The following SLC7A7 variants were observed in gnomAD, a reference collection of about 807,000 sequenced individuals.
SLC7A7 encodes the protein solute carrier family 7 member 7, also known as Y+L amino acid transporter 1.
Under a neutral mutation model 47.9 loss-of-function variants are expected in SLC7A7, and 39 were observed. That is an observed-to-expected ratio of 0.81 (90% CI 0.63 to 1.06). The LOEUF (loss-of-function observed/expected upper bound fraction) is 1.06. Among genes scored for constraint, SLC7A7 ranks in the 50% least tolerant of loss-of-function variants. The pLI, the probability that SLC7A7 is intolerant of heterozygous loss-of-function variation, is 0.00. For synonymous variants in SLC7A7, 234 were observed against 242.8 expected, an observed-to-expected ratio of 0.96 and a Z score of 0.34; for missense variants, 588 against 632.0, an observed-to-expected ratio of 0.93 and a Z score of 0.75.
intron 7 of SLC7A7, among the ~76,000 whole-genome samples, 163 bp from the exon 8 acceptor site, chr14:22,774,666 C>A (rs1406560637): frequency 6.6e-6 from 1 of 152,148 alleles, no homozygotes; most frequent in African/African-American, 2.4e-5. Flanking sequence ...TACCTTATCC[C>A]CTCTCTTATA....
At chr14:22,816,536 GA>G (rs2039410600), upstream of SLC7A7, 1 of 151,860 alleles carries the variant, frequency 6.6e-6, no homozygotes, top group Non-Finnish European at 1.5e-5. Context: ...AGAATATGAG[GA>G]AATCAGATTT....
intron 2 of SLC7A7, among the ~76,000 whole-genome samples, chr14:22,799,740 C>G (rs2139434556): frequency 6.6e-6 from 1 of 152,212 alleles, no homozygotes; most frequent in South Asian, 2.1e-4. Context: ...CAGGTGTGAG[C>G]CACCGCCCTG....
In SLC7A7 at chr14:22,815,353, C is replaced by T. The variant is rs2039390235; in HGVS notation, c.-76G>A. 4.4e-6 allele frequency: 2 copies of T among 454,420 alleles called. No individual in the cohort carries two copies. The highest frequency in any genetic ancestry group is 8.8e-6 in the Non-Finnish European group (2 of 226,784). The allele number at this position is 454,420 out of a possible 1,614,324, so 28.1% of individuals were successfully genotyped here. A position where few individuals can be genotyped will look rare whatever the true frequency, so the allele number is the denominator to read the frequency against. The stretch of plus-strand genomic sequence containing the variant: ...CCTGGATATAAGCAGGTTCTCACGG[C>T]AGTGTGAGCAGCAGTCAGGGAGAGA... On this transcript the variant is annotated 5_prime_UTR_variant, in exon 1 of 10. Transcript: ENST00000674313.
At chr14:22,802,048 A>C (rs940377306) in intron 2 of SLC7A7, among the ~76,000 whole-genome samples, 13 of 152,204 alleles carry the variant, frequency 8.5e-5, no homozygotes, top group African/African-American at 3.1e-4. Flanking sequence ...CTCACAGTAA[A>C]TGATATCACT....
upstream of SLC7A7, chr14:22,817,379 G>A (rs949161681): frequency 1.5e-4 from 25 of 169,304 alleles, 1 homozygote; most frequent in East Asian, 1.8e-4. Context: ...TTACTCTGTC[G>A]CCCAGGCTGG....
upstream of SLC7A7, among the ~76,000 whole-genome samples, chr14:22,816,803 C>T (rs370185867): frequency 1.3e-5 from 2 of 152,114 alleles, no homozygotes; most frequent in East Asian, 3.9e-4. Context: ...CTCTACCATA[C>T]ATCCTCCCAT....
At chr14:22,804,174 T>C (rs1409216151) in intron 2 of SLC7A7, among the ~76,000 whole-genome samples, 1 of 152,160 alleles carries the variant, frequency 6.6e-6, no homozygotes, top group Non-Finnish European at 1.5e-5. Context: ...ACTGGAGCCC[T>C]TCCTTATATC....
chr14:22,803,874 G>A (rs1594974927), intron 2 of SLC7A7, among the ~76,000 whole-genome samples: 2 of 152,148 alleles, frequency 1.3e-5, no homozygotes, highest in Admixed American at 6.5e-5. Context: ...CACACTGTGC[G>A]TTCCCTACAG....
At chr14:22,780,418 A>C in intron 2 of SLC7A7, 2 of 274,664 alleles carry the variant, frequency 7.3e-6, no homozygotes, top group Non-Finnish European at 1.4e-5. Context: ...TCTCCCTCCT[A>C]CCTCCCATTC....
intron 2 of SLC7A7, among the ~76,000 whole-genome samples, chr14:22,795,381 G>GCTTTCTTT (rs1491096172): frequency 7.8e-4 from 4 of 5,100 alleles, no homozygotes; most frequent in African/African-American, 8.4e-4. Context: ...AGTATTGCTT[G>GCTTTCTTT]CTTGCTTTCT....
chr14:22,779,241 C>T (rs1396715868), intron 3 of SLC7A7, among the ~76,000 whole-genome samples: 3 of 152,200 alleles, frequency 2.0e-5, no homozygotes, highest in Non-Finnish European at 4.4e-5. Context: ...CAATGCAGTT[C>T]TGTTCTGCTC....
chr14:22,791,228 T>C (rs2038919074), intron 2 of SLC7A7, among the ~76,000 whole-genome samples: 1 of 152,178 alleles, frequency 6.6e-6, no homozygotes, highest in Non-Finnish European at 1.5e-5. Flanking sequence ...TAAAGCCTTA[T>C]TATACACATC....
rs59571216 is a variant in SLC7A7, at chr14:22,812,160, CTT to C, written c.499+738_499+739del. On this transcript the variant is annotated intron_variant, in intron 2 of 9. Coordinates refer to ENST00000674313, the MANE Select transcript of SLC7A7 (RefSeq NM_003982.4). ...TTTGTAAAAGAACAAAACTACACCT[CTT>C]TTTTTTTTATTTTTATTTTTTTGAG... is the stretch of plus-strand genomic sequence containing the variant. 2.0e-5 allele frequency among the ~76,000 whole-genome samples: 3 copies of C among 149,840 alleles called. No individual in the cohort carries two copies. The East Asian group carries it at 5.9e-4, about 29-fold the overall frequency.
At chr14:22,819,593 T>G (rs1391681553), upstream of SLC7A7, 1 of 152,254 alleles carries the variant, frequency 6.6e-6, no homozygotes, top group South Asian at 2.1e-4. Context: ...ATCCTCCTCC[T>G]GCACTTCCCC....
chr14:22,801,019 C>T (rs1408054821), intron 2 of SLC7A7, among the ~76,000 whole-genome samples: 1 of 152,164 alleles, frequency 6.6e-6, no homozygotes, highest in Non-Finnish European at 1.5e-5. Context: ...CCATCTGCTG[C>T]AACCACATGA....
intron 2 of SLC7A7, among the ~76,000 whole-genome samples, chr14:22,783,634 C>A: frequency 6.6e-6 from 1 of 151,960 alleles, no homozygotes; most frequent in African/African-American, 2.4e-5. Context: ...CTCCTGACCT[C>A]AGGTGATCCG....
intron 2 of SLC7A7, among the ~76,000 whole-genome samples, chr14:22,791,339 C>CT (rs1017085757): frequency 3.3e-5 from 5 of 152,068 alleles, no homozygotes; most frequent in Admixed American, 1.3e-4. Context: ...GTTCTGTGTT[C>CT]TTTTTTCTTT....
chr14:22,784,702 C>T (rs1365741675), intron 2 of SLC7A7, among the ~76,000 whole-genome samples: 1 of 152,030 alleles, frequency 6.6e-6, no homozygotes, highest in African/African-American at 2.4e-5. Flanking sequence ...ATACGGTCCC[C>T]GGGAGTAGGA....
At chr14:22,805,864 C>T (rs1392475575) in intron 2 of SLC7A7, among the ~76,000 whole-genome samples, 2 of 152,014 alleles carry the variant, frequency 1.3e-5, no homozygotes, top group Non-Finnish European at 2.9e-5. Context: ...CATCAAAGGC[C>T]GAGGGCGGTG....
Sources: gnomAD v4.1 joint callset for allele counts (sites outside exome capture counted in the v4.1 genomes callset) on GRCh38, gnomAD v4.1.1 for gene constraint, MANE v1.5 for transcripts, NCBI Gene and HGNC (gene_info 2026-07-23, HGNC 2026-07-21) for gene names.